Variants in GREB1L observed in about 807,000 individuals in gnomAD.
The protein encoded by GREB1L is GREB1 like retinoic acid receptor coactivator.
GREB1L carries 17 observed loss-of-function variants against 200.8 expected under a neutral mutation model. That is an observed-to-expected ratio of 0.08 (90% CI 0.06 to 0.13). The LOEUF (loss-of-function observed/expected upper bound fraction) is 0.13, where lower values mean the gene tolerates loss of function less well. Among genes scored for constraint, GREB1L ranks in the 10% least tolerant of loss-of-function variants. The pLI, the probability that GREB1L is intolerant of heterozygous loss-of-function variation, is 1.00. For synonymous variants in GREB1L, 789 were observed against 893.0 expected, an observed-to-expected ratio of 0.88 and a Z score of 2.08; for missense variants, 1,657 against 2,367.7, an observed-to-expected ratio of 0.70 and a Z score of 6.23.
intron 25 of GREB1L, among the ~76,000 whole-genome samples, chr18:21,507,905 G>C (rs769120341): frequency 5.3e-5 from 8 of 152,236 alleles, no homozygotes; most frequent in East Asian, 3.9e-4. Context: ...GGCTATGCAG[G>C]TGCAAGACGG....
At chr18:21,410,741 A>AG (rs1245427632) in intron 7 of GREB1L, among the ~76,000 whole-genome samples, 4 of 152,036 alleles carry the variant, frequency 2.6e-5, no homozygotes. Context: ...GAGTAAAAAA[A>AG]AAAGCCATAA....
At chr18:21,471,309 G>A (rs2035472743) in intron 15 of GREB1L, among the ~76,000 whole-genome samples, 1 of 152,164 alleles carries the variant, frequency 6.6e-6, no homozygotes. Flanking sequence ...GGATAGACAG[G>A]AAATACAGAC....
intron 15 of GREB1L, among the ~76,000 whole-genome samples, chr18:21,463,847 C>T (rs1407476619): frequency 1.3e-5 from 2 of 152,204 alleles, no homozygotes; most frequent in East Asian, 3.9e-4. Flanking sequence ...CACCATTCCC[C>T]ACTGTCCCAG....
intron 5 of GREB1L, 150 bp from the exon 6 acceptor site, chr18:21,401,000 C>A: frequency 1.6e-6 from 1 of 624,620 alleles, no homozygotes; most frequent in Non-Finnish European, 2.8e-6. Context: ...GCTAAAGAAA[C>A]ATGTACCTGG....
At chr18:21,426,983 A>AAC (rs1568000308) in intron 7 of GREB1L, among the ~76,000 whole-genome samples, 22 of 95,848 alleles carry the variant, frequency 2.3e-4, no homozygotes, top group African/African-American at 8.7e-4. Context: ...CAAAAAAAAA[A>AAC]AAAACAAAAA....
chr18:21,280,138 C>T (rs2038243587), intron 1 of GREB1L, among the ~76,000 whole-genome samples: 1 of 152,166 alleles, frequency 6.6e-6, no homozygotes. Context: ...ATTAGCATAT[C>T]ATGCAGGATA....
At chr18:21,345,829 G>A (rs1047122168) in intron 1 of GREB1L, among the ~76,000 whole-genome samples, 5 of 148,712 alleles carry the variant, frequency 3.4e-5, no homozygotes, top group Admixed American at 6.8e-5. Flanking sequence ...CTGAGATCAT[G>A]CCATTGCACT....
intron 19 of GREB1L, among the ~76,000 whole-genome samples, chr18:21,495,007 A>G (rs536352662): frequency 9.2e-5 from 14 of 152,274 alleles, no homozygotes; most frequent in African/African-American, 3.4e-4. Context: ...ACCATAAGCC[A>G]ATTACATTAC....
chr18:21,297,524 T>C (rs1432877643), intron 1 of GREB1L, among the ~76,000 whole-genome samples: 1 of 152,142 alleles, frequency 6.6e-6, no homozygotes, highest in Non-Finnish European at 1.5e-5. Context: ...CATGTTGTGA[T>C]GGAAGAAGGT....
At chr18:21,433,272 A>G (rs772143289) in intron 7 of GREB1L, among the ~76,000 whole-genome samples, 1 of 152,210 alleles carries the variant, frequency 6.6e-6, no homozygotes, top group Non-Finnish European at 1.5e-5. Flanking sequence ...TTATTTCTGT[A>G]GATTAACTTT....
intron 7 of GREB1L, among the ~76,000 whole-genome samples, chr18:21,434,527 GTGTGTA>G (rs1189906638): frequency 1.4e-5 from 2 of 138,770 alleles, no homozygotes; most frequent in Non-Finnish European, 1.5e-5. Flanking sequence ...GTGTGTGTGT[GTGTGTA>G]TATATATGTG....
rs987974814 is a variant in GREB1L at position 21,513,709 on chromosome 18, G to A, written c.4736-112G>A. Reference sequence around the variant, plus strand: ...ACATTTGGTTGGCTCCCACCTGCATGGTTCCCATGTGAACAGGCATTCTGT... The same window carrying A: ...ACATTTGGTTGGCTCCCACCTGCATAGTTCCCATGTGAACAGGCATTCTGT... On this transcript the variant is annotated intron_variant, in intron 27 of 32. Transcript: ENST00000424526. 19 of 983,056 alleles carry A rather than the reference G, an allele frequency of 1.9e-5. No homozygotes were observed. In the African/African-American group the frequency reaches 2.8e-4, roughly 14 times the overall value. 60.9% of individuals were successfully genotyped at this position (983,056 alleles called of 1,614,324 possible). A position where few individuals can be genotyped will look rare whatever the true frequency, so the allele number is the denominator to read the frequency against.
chr18:21,428,388 G>GTTTTTTTTTTTTTTTTTTTTTT (rs1254736549), intron 7 of GREB1L, among the ~76,000 whole-genome samples: 1 of 91,114 alleles, frequency 1.1e-5, no homozygotes, highest in African/African-American at 5.0e-5. Flanking sequence ...GGAAGTAGTG[G>GTTTTTTTTTTTTTTTTTTTTTT]TTTTTTTTGT....
chr18:21,427,796 G>T (rs1444966690), intron 7 of GREB1L, among the ~76,000 whole-genome samples: 1 of 152,148 alleles, frequency 6.6e-6, no homozygotes, highest in Non-Finnish European at 1.5e-5. Context: ...TCTGCAAATA[G>T]ATGTGTTTAA....
intron 7 of GREB1L, among the ~76,000 whole-genome samples, chr18:21,428,675 G>T (rs1319001100): frequency 7.0e-6 from 1 of 143,864 alleles, no homozygotes; most frequent in African/African-American, 2.6e-5. Context: ...TTGTCGGCCC[G>T]GGCTGGAGTG....
intron 1 of GREB1L, among the ~76,000 whole-genome samples, chr18:21,357,884 T>C (rs150714943): frequency 1.3e-5 from 2 of 152,332 alleles, no homozygotes; most frequent in East Asian, 3.9e-4. Flanking sequence ...ATAATTGAAA[T>C]CAGGTAGTAT....
chr18:21,246,509 G>C (rs1476308655), intron 1 of GREB1L, among the ~76,000 whole-genome samples: 1 of 152,050 alleles, frequency 6.6e-6, no homozygotes, highest in Non-Finnish European at 1.5e-5. Flanking sequence ...CTTATACAAA[G>C]TGAGGGATAG....
intron 1 of GREB1L, among the ~76,000 whole-genome samples, chr18:21,277,271 C>T (rs1218721198): frequency 6.6e-6 from 1 of 152,146 alleles, no homozygotes; most frequent in Non-Finnish European, 1.5e-5. Context: ...GTCACCAGTT[C>T]CTCACTATGT....
intron 1 of GREB1L, among the ~76,000 whole-genome samples, chr18:21,308,880 G>A (rs930555227): frequency 3.3e-5 from 5 of 152,146 alleles, no homozygotes; most frequent in African/African-American, 9.7e-5. Flanking sequence ...TGATGCCTGG[G>A]CCTGTCCTGT....
Sources: allele counts gnomAD v4.1 joint callset (sites outside exome capture counted in the v4.1 genomes callset), GRCh38; gene constraint gnomAD v4.1.1; transcripts MANE v1.5; gene names NCBI Gene and HGNC (gene_info 2026-07-23, HGNC 2026-07-21).